EDIL3: variants seen among roughly 807,000 people sequenced by gnomAD.
The protein encoded by EDIL3 is EGF like and discoidin domains 3.
In EDIL3, 37 loss-of-function variants were observed where a neutral mutation model predicts 67.4. That is an observed-to-expected ratio of 0.55 (90% CI 0.42 to 0.72). The LOEUF is 0.72. EDIL3 is among the 30% of genes least tolerant of loss of function. EDIL3 has a pLI of 0.00. For missense variants in EDIL3, 527 were observed against 586.3 expected, an observed-to-expected ratio of 0.90 and a Z score of 1.04; for synonymous variants, 195 against 196.3, an observed-to-expected ratio of 0.99 and a Z score of 0.05.
intron 9 of EDIL3, among the ~76,000 whole-genome samples, chr5:84,045,386 G>A (rs1746203799): frequency 6.6e-6 from 1 of 152,160 alleles, no homozygotes; most frequent in Non-Finnish European, 1.5e-5. Flanking sequence ...GTCAGAAGTA[G>A]AGGGCAGGTC....
intron 1 of EDIL3, among the ~76,000 whole-genome samples, chr5:84,265,427 G>A (rs929350203): frequency 6.6e-6 from 1 of 152,060 alleles, no homozygotes; most frequent in Non-Finnish European, 1.5e-5. Context: ...ATTAAAAGTG[G>A]TACTCTTTCA....
rs1299174372 is a variant in EDIL3, at chr5:84,384,385, C to G, written c.-11G>C. 1 of 1,612,118 alleles carries G rather than the reference C, an allele frequency of 6.2e-7. No individual in the cohort carries two copies. The highest frequency in any genetic ancestry group is 1.3e-5 in the African/African-American group (1 of 74,806). On this transcript the variant is annotated 5_prime_UTR_variant, in exon 1 of 11. Coordinates refer to ENST00000296591, the MANE Select transcript of EDIL3 (RefSeq NM_005711.5). ...TACCGAGCGCTTCATGATCCCGTCT[C>G]CCGGACGTGACCCCGGCTGGTCAGG... is the stretch of plus-strand genomic sequence containing the variant.
intron 9 of EDIL3, among the ~76,000 whole-genome samples, chr5:84,042,589 A>AT (rs1470974288): frequency 1.3e-5 from 2 of 151,856 alleles, no homozygotes; most frequent in African/African-American, 2.4e-5. Flanking sequence ...GCCTGACACT[A>AT]TTTTTTTAAT....
intron 1 of EDIL3, among the ~76,000 whole-genome samples, chr5:84,263,727 G>A (rs1169479680): frequency 6.6e-6 from 1 of 152,122 alleles, no homozygotes. Flanking sequence ...GACACATTTT[G>A]GAAATATATT....
At chr5:84,103,020 A>G (rs1169106351) in intron 6 of EDIL3, among the ~76,000 whole-genome samples, 2 of 152,120 alleles carry the variant, frequency 1.3e-5, no homozygotes, top group Non-Finnish European at 2.9e-5. Context: ...ACAAAAACAG[A>G]CATATATTCC....
chr5:84,304,722 C>T (rs917298816), intron 1 of EDIL3, among the ~76,000 whole-genome samples: 2 of 152,128 alleles, frequency 1.3e-5, no homozygotes, highest in African/African-American at 4.8e-5. Context: ...ATTGGTTTTA[C>T]ATATTTATGA....
chr5:84,029,655 A>G (rs1471055778), intron 9 of EDIL3, among the ~76,000 whole-genome samples: 2 of 152,192 alleles, frequency 1.3e-5, no homozygotes, highest in Non-Finnish European at 2.9e-5. Context: ...TTAACCCTCA[A>G]AAGGGTTAAG....
intron 9 of EDIL3, among the ~76,000 whole-genome samples, chr5:83,989,670 TC>T (rs1745115868): frequency 6.6e-6 from 1 of 152,154 alleles, no homozygotes; most frequent in Non-Finnish European, 1.5e-5. Flanking sequence ...TTGAGGTGGC[TC>T]CCATGATCTC....
intron 3 of EDIL3, among the ~76,000 whole-genome samples, chr5:84,189,277 C>CA (rs1743529329): frequency 6.6e-6 from 1 of 151,822 alleles, no homozygotes; most frequent in African/African-American, 2.4e-5. Context: ...CCTAGCACTG[C>CA]ATGATAGGAG....
At chr5:83,990,504 A>G (rs1408164708) in intron 9 of EDIL3, among the ~76,000 whole-genome samples, 1 of 151,498 alleles carries the variant, frequency 6.6e-6, no homozygotes, top group Non-Finnish European at 1.5e-5. Flanking sequence ...AAAAAAAGAA[A>G]GAAAAGAAAC....
chr5:84,329,276 G>A (rs1746824977), intron 1 of EDIL3, among the ~76,000 whole-genome samples: 1 of 151,940 alleles, frequency 6.6e-6, no homozygotes. Flanking sequence ...AAGGAAGACT[G>A]GAAAACAGGA....
At chr5:84,106,096 C>T (rs1344422287) in intron 6 of EDIL3, among the ~76,000 whole-genome samples, 4 of 152,082 alleles carry the variant, frequency 2.6e-5, no homozygotes, top group Non-Finnish European at 4.4e-5. Flanking sequence ...GGCCTTGCTA[C>T]CCCCTCTGGG....
At chr5:84,338,598 T>C (rs1747035412) in intron 1 of EDIL3, among the ~76,000 whole-genome samples, 2 of 152,178 alleles carry the variant, frequency 1.3e-5, no homozygotes, top group South Asian at 4.1e-4. Flanking sequence ...ACTAACATGC[T>C]GTCACTTACA....
At chr5:83,973,348 A>G (rs902851155) in intron 9 of EDIL3, among the ~76,000 whole-genome samples, 3 of 152,128 alleles carry the variant, frequency 2.0e-5, no homozygotes, top group African/African-American at 7.2e-5. Context: ...CAGGTACTTT[A>G]ATTACAGCAG....
intron 9 of EDIL3, among the ~76,000 whole-genome samples, chr5:84,015,573 G>A (rs76382321): frequency 6.6e-6 from 1 of 152,046 alleles, no homozygotes; most frequent in Non-Finnish European, 1.5e-5. Context: ...AAAACTCTCA[G>A]TATTATATTA....
chr5:83,985,108 G>T (rs778542285), intron 9 of EDIL3, among the ~76,000 whole-genome samples: 1 of 151,902 alleles, frequency 6.6e-6, no homozygotes, highest in African/African-American at 2.4e-5. Flanking sequence ...GAAAAATGTA[G>T]GAGAATGGAG....
intron 1 of EDIL3, among the ~76,000 whole-genome samples, chr5:84,295,252 C>T (rs765339606): frequency 6.6e-5 from 10 of 151,796 alleles, no homozygotes; most frequent in Non-Finnish European, 1.2e-4. Flanking sequence ...TGTGTGTTAA[C>T]CTGTATGAGT....
At chr5:84,019,407 T>G (rs1169116998) in intron 9 of EDIL3, among the ~76,000 whole-genome samples, 26 of 136,410 alleles carry the variant, frequency 1.9e-4, no homozygotes, top group Admixed American at 3.0e-4. Context: ...GTGGGGGGAG[T>G]GGGGAGGGAT....
intron 1 of EDIL3, among the ~76,000 whole-genome samples, chr5:84,294,961 T>C (rs555024495): frequency 4.5e-4 from 68 of 152,242 alleles, no homozygotes; most frequent in African/African-American, 9.4e-4. Context: ...CTGAATGCAA[T>C]ATACATTACA....
Sources: allele counts gnomAD v4.1 joint callset (sites outside exome capture counted in the v4.1 genomes callset), GRCh38; gene constraint gnomAD v4.1.1; transcripts MANE v1.5; gene names NCBI Gene and HGNC (gene_info 2026-07-23, HGNC 2026-07-21).